GRK3: variants seen among roughly 807,000 people sequenced by gnomAD.
The protein encoded by GRK3 is adrenergic, beta, receptor kinase 2.
GRK3 carries 54 observed loss-of-function variants against 95.7 expected under a neutral mutation model. The ratio of observed to expected loss-of-function variants is 0.56; its 90% CI spans 0.45 to 0.71. The LOEUF (loss-of-function observed/expected upper bound fraction) is 0.71, where lower values mean the gene tolerates loss of function less well. GRK3 is among the 30% of genes least tolerant of loss of function. The pLI is 0.00. For missense variants in GRK3, 649 were observed against 851.2 expected, an observed-to-expected ratio of 0.76 and a Z score of 2.96; for synonymous variants, 281 against 290.8, an observed-to-expected ratio of 0.97 and a Z score of 0.34.
intron 2 of GRK3, among the ~76,000 whole-genome samples, chr22:25,626,470 C>T (rs150376032): frequency 2.6e-5 from 4 of 152,252 alleles, no homozygotes; most frequent in Non-Finnish European, 4.4e-5. Flanking sequence ...ACTTCATTTC[C>T]GCAAGAGATA....
chr22:25,592,429 T>G (rs1932524915), intron 1 of GRK3, among the ~76,000 whole-genome samples: 1 of 152,316 alleles, frequency 6.6e-6, no homozygotes, highest in Non-Finnish European at 1.5e-5. Context: ...ATGTGGCTTG[T>G]CTTTTCATCC....
intron 5 of GRK3, among the ~76,000 whole-genome samples, chr22:25,666,641 G>C (rs962861713): frequency 6.6e-6 from 1 of 152,038 alleles, no homozygotes; most frequent in Admixed American, 6.6e-5. Flanking sequence ...AGGAAGCAAG[G>C]CTCCCAGAAG....
chr22:25,704,611 A>G (rs758510554), intron 15 of GRK3, among the ~76,000 whole-genome samples: 1 of 152,096 alleles, frequency 6.6e-6, no homozygotes, highest in East Asian at 1.9e-4. Context: ...GGGTTTTCCT[A>G]TGTTGGCCAG....
At chr22:25,699,959 A>T (rs2085244932) in intron 13 of GRK3, among the ~76,000 whole-genome samples, 1 of 151,886 alleles carries the variant, frequency 6.6e-6, no homozygotes, top group Non-Finnish European at 1.5e-5. Context: ...CGGCCTCCCA[A>T]AGTGCTGGGA....
chr22:25,597,025 T>G (rs529782682), intron 1 of GRK3, among the ~76,000 whole-genome samples: 11 of 152,334 alleles, frequency 7.2e-5, no homozygotes, highest in East Asian at 1.9e-4. Context: ...AGGCAGCCAC[T>G]CATTATGAAT....
intron 3 of GRK3, among the ~76,000 whole-genome samples, chr22:25,661,080 T>C (rs2146400561): frequency 6.6e-6 from 1 of 152,368 alleles, no homozygotes; most frequent in Non-Finnish European, 1.5e-5. Context: ...CTTTCTATAA[T>C]ACTTATTTGC....
chr22:25,637,618 T>G (rs994713931), intron 2 of GRK3, among the ~76,000 whole-genome samples: 3 of 152,236 alleles, frequency 2.0e-5, no homozygotes, highest in African/African-American at 7.2e-5. Flanking sequence ...ATCACTGCAT[T>G]GTGTAAGTGT....
chr22:25,686,432 C>A (rs1174824274), intron 10 of GRK3, among the ~76,000 whole-genome samples: 1 of 152,058 alleles, frequency 6.6e-6, no homozygotes, highest in African/African-American at 2.4e-5. Context: ...AAGGTCTTGA[C>A]TGAAAGGGCA....
intron 1 of GRK3, among the ~76,000 whole-genome samples, chr22:25,572,374 G>A (rs372930158): frequency 6.6e-6 from 1 of 152,198 alleles, no homozygotes; most frequent in Admixed American, 6.5e-5. Flanking sequence ...TATATATCCA[G>A]TAATGGGATG....
intron 3 of GRK3, among the ~76,000 whole-genome samples, chr22:25,659,777 C>T (rs2084898156): frequency 6.6e-6 from 1 of 152,180 alleles, no homozygotes; most frequent in Admixed American, 6.5e-5. Context: ...CCAAGAGTTA[C>T]CTTTTCTGTT....
At chr22:25,700,863 C>T (rs778844795) in intron 13 of GRK3, among the ~76,000 whole-genome samples, 7 of 152,202 alleles carry the variant, frequency 4.6e-5, no homozygotes, top group South Asian at 2.1e-4. Flanking sequence ...GGATTACAGG[C>T]GTGACCCACC....
chr22:25,728,557 C>CA lies in GRK3; in HGVS notation c.*6110dup, dbSNP rs918802359. ...GCATCATTCCTTCCCCTTATTGTGC[C>CA]AAATCCCCACCATCAGCCTTGCCAT... On this transcript the variant is annotated 3_prime_UTR_variant, in exon 21 of 21. Transcript: ENST00000324198. 1.3e-4 allele frequency: 20 copies of CA among 152,166 alleles called. No homozygotes were observed. The highest frequency in any genetic ancestry group is 1.5e-5 in the Non-Finnish European group (1 of 68,032). 9.4% of individuals were successfully genotyped at this position (152,166 alleles called of 1,614,324 possible).
intron 2 of GRK3, among the ~76,000 whole-genome samples, chr22:25,615,407 G>T (rs1441686978): frequency 6.6e-6 from 1 of 152,080 alleles, no homozygotes; most frequent in Non-Finnish European, 1.5e-5. Flanking sequence ...AATTCAAGGT[G>T]GTGCTGCATT....
intron 2 of GRK3, among the ~76,000 whole-genome samples, chr22:25,626,453 C>T (rs1003874765): frequency 6.6e-6 from 1 of 152,152 alleles, no homozygotes; most frequent in African/African-American, 2.4e-5. Context: ...GTTCACTGAT[C>T]AAGCCAACTT....
chr22:25,578,208 C>T (rs1014278181), intron 1 of GRK3, among the ~76,000 whole-genome samples: 2 of 151,978 alleles, frequency 1.3e-5, no homozygotes, highest in Non-Finnish European at 2.9e-5. Flanking sequence ...ATTGCATTTC[C>T]ATCACATAGG....
At chr22:25,598,785 A>G (rs976084477) in intron 1 of GRK3, among the ~76,000 whole-genome samples, 8 of 152,062 alleles carry the variant, frequency 5.3e-5, no homozygotes, top group Admixed American at 3.9e-4. Context: ...AAAACAGAAC[A>G]GAGAGAACTT....
At chr22:25,636,805 C>T (rs983392528) in intron 2 of GRK3, among the ~76,000 whole-genome samples, 5 of 152,140 alleles carry the variant, frequency 3.3e-5, no homozygotes, top group Non-Finnish European at 2.9e-5. Flanking sequence ...TAGAATTACG[C>T]AGCATATACT....
intron 2 of GRK3, among the ~76,000 whole-genome samples, chr22:25,628,625 T>C (rs938257114): frequency 2.6e-5 from 4 of 152,220 alleles, no homozygotes; most frequent in African/African-American, 7.2e-5. Context: ...TTAGAGTTCA[T>C]GTTTGCACTT....
intron 19 of GRK3, among the ~76,000 whole-genome samples, chr22:25,721,026 TTC>T (rs1439643251): frequency 1.3e-5 from 2 of 152,186 alleles, no homozygotes; most frequent in African/African-American, 2.4e-5. Context: ...TCAAAATCAG[TTC>T]TGTGTTGAGG....
Sources: gnomAD v4.1 joint callset for allele counts (sites outside exome capture counted in the v4.1 genomes callset) on GRCh38, gnomAD v4.1.1 for gene constraint, MANE v1.5 for transcripts, NCBI Gene and HGNC (gene_info 2026-07-23, HGNC 2026-07-21) for gene names.